The following EPB41L4B variants were observed in gnomAD, a reference collection of about 807,000 sequenced individuals.
EPB41L4B encodes the protein band 4.1-like protein 4B.
A neutral mutation model predicts 112.5 loss-of-function variants in EPB41L4B; 30 were observed. The ratio of observed to expected loss-of-function variants is 0.27; its 90% CI spans 0.20 to 0.36. The LOEUF (loss-of-function observed/expected upper bound fraction) is 0.36. EPB41L4B is among the 10% of genes least tolerant of loss of function. EPB41L4B has a pLI of 1.00. For synonymous variants in EPB41L4B, 408 were observed against 439.7 expected (o/e 0.93, Z 0.90); for missense variants, 1,024 against 1,133.3 (o/e 0.90, Z 1.38).
At chr9:109,185,092 C>T (rs896042437) in intron 23 of EPB41L4B, among the ~76,000 whole-genome samples, 1 of 152,172 alleles carries the variant, frequency 6.6e-6, no homozygotes, top group African/African-American at 2.4e-5. Context: ...TCAGGTAGCA[C>T]TCCTATTACA....
At chr9:109,295,704 A>C (rs1180365783) in intron 1 of EPB41L4B, among the ~76,000 whole-genome samples, 1 of 152,198 alleles carries the variant, frequency 6.6e-6, no homozygotes, top group Non-Finnish European at 1.5e-5. Context: ...ACAGGAAAAG[A>C]AAAGGCAAGG....
At chr9:109,249,954 A>G (rs184136847) in intron 13 of EPB41L4B, among the ~76,000 whole-genome samples, 7 of 152,304 alleles carry the variant, frequency 4.6e-5, no homozygotes, top group African/African-American at 1.7e-4. Flanking sequence ...CAGCTGTGTA[A>G]TATGAGGGAC....
chr9:109,176,815 G>T, intron 24 of EPB41L4B, 119 bp from the exon 25 acceptor site: 2 of 1,156,342 alleles, frequency 1.7e-6, no homozygotes, highest in South Asian at 1.4e-5. Context: ...AGCTAAAATC[G>T]ATTGTCATTT....
intron 7 of EPB41L4B, among the ~76,000 whole-genome samples, chr9:109,257,789 G>A (rs1467001809): frequency 6.6e-6 from 1 of 152,200 alleles, no homozygotes; most frequent in East Asian, 1.9e-4. Flanking sequence ...GAGCTCAGGA[G>A]TTTGAGACCA....
chr9:109,309,455 G>A lies in EPB41L4B; in HGVS notation c.306+10686C>T, dbSNP rs550484959. On this transcript the variant is annotated intron_variant, in intron 1 of 25. Transcript: ENST00000374566. ...AGTGTTCGCTCCCTTATTCCACCGA[G>A]GTGACCTCAGAAGCGGAACGGGATA... Among the ~76,000 whole-genome samples, 36 of 152,298 alleles carry A rather than the reference G, an allele frequency of 2.4e-4. No homozygotes were observed. The East Asian group carries it at 4.0e-3, about 17-fold the overall frequency.
intron 19 of EPB41L4B, among the ~76,000 whole-genome samples, chr9:109,201,470 A>G (rs1832828587): frequency 6.6e-6 from 1 of 151,942 alleles, no homozygotes. Context: ...AAAAAAGAAA[A>G]AAAAAGTATG....
intron 17 of EPB41L4B, among the ~76,000 whole-genome samples, chr9:109,212,358 T>A (rs968936185): frequency 6.6e-6 from 1 of 152,146 alleles, no homozygotes; most frequent in African/African-American, 2.4e-5. Flanking sequence ...TTGGGTTGAA[T>A]CCCTAGCAGC....
At chr9:109,270,647 T>C (rs1217259232) in intron 2 of EPB41L4B, among the ~76,000 whole-genome samples, 1 of 152,248 alleles carries the variant, frequency 6.6e-6, no homozygotes, top group African/African-American at 2.4e-5. Flanking sequence ...TCCCCTAGTC[T>C]AATTAGCCCA....
chr9:109,263,506 A>G (rs1467118487), intron 5 of EPB41L4B, among the ~76,000 whole-genome samples: 2 of 152,240 alleles, frequency 1.3e-5, no homozygotes, highest in Non-Finnish European at 2.9e-5. Context: ...ACAAGGTCAT[A>G]GCGTTAAAAA....
intron 23 of EPB41L4B, 101 bp downstream of exon 23, chr9:109,185,388 T>A: frequency 2.1e-6 from 2 of 957,456 alleles, no homozygotes; most frequent in Non-Finnish European, 3.4e-6. Flanking sequence ...CTGCCCGAGA[T>A]CTGGGGCTTC....
chr9:109,192,203 C>G (rs989577068), intron 22 of EPB41L4B, 75 bp downstream of exon 22: 2 of 1,196,772 alleles, frequency 1.7e-6, no homozygotes, highest in Admixed American at 4.1e-5. Context: ...ATGCCCACCT[C>G]TGTCCATCCG....
chr9:109,180,425 G>C (rs1832013829), intron 24 of EPB41L4B, among the ~76,000 whole-genome samples: 1 of 152,224 alleles, frequency 6.6e-6, no homozygotes, highest in South Asian at 2.1e-4. Flanking sequence ...GCTGTGTCCA[G>C]CAAGACTGCA....
rs1322407248 is a variant in EPB41L4B at position 109,185,605 on chromosome 9, C to T, written c.2302G>A (p.Ala768Thr). The change falls in exon 23 of 26, where the codon GCA becomes ACA. Residue 768 changes from alanine to threonine, a missense_variant and splice_region_variant. By Grantham distance (58) the Ala-to-Thr change is moderately conservative. Transcript: ENST00000374566. The part of the protein sequence containing the change: ...LMDFTEATPL[A>T]EPASNPHCAH... ...CAGTGGGGGTTGCTGGCGGGCTCTG[C>T]CTGCTCACGAGGAGAGGAGAGAAGG... The T allele has an allele frequency of 6.2e-7, 1 of 1,604,878 alleles. No homozygotes were observed. The highest frequency in any genetic ancestry group is 1.3e-5 in the African/African-American group (1 of 74,690).
At chr9:109,268,159 T>TGA (rs1835474742) in intron 3 of EPB41L4B, among the ~76,000 whole-genome samples, 1 of 152,260 alleles carries the variant, frequency 6.6e-6, no homozygotes, top group Non-Finnish European at 1.5e-5. Flanking sequence ...CAGAGGCGTC[T>TGA]GATTTCAAAT....
chr9:109,311,020 T>G (rs1837395159), intron 1 of EPB41L4B, among the ~76,000 whole-genome samples: 1 of 152,080 alleles, frequency 6.6e-6, no homozygotes, highest in Non-Finnish European at 1.5e-5. Context: ...GAATGGTGGT[T>G]GCCCGGGGTT....
chr9:109,312,521 C>T (rs915542792), intron 1 of EPB41L4B, among the ~76,000 whole-genome samples: 23 of 152,086 alleles, frequency 1.5e-4, no homozygotes, highest in African/African-American at 3.9e-4. Context: ...CCACCCCCCT[C>T]GCCCAGCTGT....
At chr9:109,265,129 G>A in intron 4 of EPB41L4B, 105 bp from the exon 5 acceptor site, 1 of 908,950 alleles carries the variant, frequency 1.1e-6, no homozygotes, top group South Asian at 1.8e-5. Context: ...ATGGAGTTTT[G>A]CATTGTAAAA....
chr9:109,264,973 T>C lies in EPB41L4B; in HGVS notation c.578+7A>G. 6.2e-7 allele frequency: 1 copy of C among 1,603,990 alleles called. No homozygotes were observed. The highest frequency in any genetic ancestry group is 8.5e-7 in the Non-Finnish European group (1 of 1,177,068). Reference sequence around the variant, plus strand: ...TGGGTTAAGAGTTAGAACAAAAACATACTTACTTTCCAGAAAGAATGTCAT... The same window carrying C: ...TGGGTTAAGAGTTAGAACAAAAACACACTTACTTTCCAGAAAGAATGTCAT... On this transcript the variant is annotated splice_region_variant and intron_variant, in intron 5 of 25. Coordinates refer to ENST00000374566, the MANE Select transcript of EPB41L4B (RefSeq NM_019114.5).
At chr9:109,271,999 A>G (rs994032824) in intron 2 of EPB41L4B, among the ~76,000 whole-genome samples, 2 of 152,200 alleles carry the variant, frequency 1.3e-5, no homozygotes, top group African/African-American at 4.8e-5. Flanking sequence ...TTAATCATCT[A>G]AAATCTACAT....
Sources: gnomAD v4.1 joint callset for allele counts (sites outside exome capture counted in the v4.1 genomes callset) on GRCh38, gnomAD v4.1.1 for gene constraint, MANE v1.5 for transcripts, NCBI Gene and HGNC (gene_info 2026-07-23, HGNC 2026-07-21) for gene names.